The following NPRL3 variants were observed in gnomAD, a reference collection of about 807,000 sequenced individuals.
NPRL3 encodes the protein NPR3 like, GATOR1 complex subunit.
A neutral mutation model predicts 57.2 loss-of-function variants in NPRL3; 23 were observed. The observed-to-expected ratio is 0.40, with a 90% CI of 0.29 to 0.57. The LOEUF is 0.57. Among genes scored for constraint, NPRL3 ranks in the 20% least tolerant of loss-of-function variants. The pLI, the probability that NPRL3 is intolerant of heterozygous loss-of-function variation, is 0.42. For synonymous variants in NPRL3, 333 were observed against 321.1 expected (o/e 1.04, Z -0.39); for missense variants, 691 against 767.1 (o/e 0.90, Z 1.17).
At position 138,341 on chromosome 16, in the gene NPRL3, A is replaced by T; in HGVS notation, c.-67-7T>A. 8.9e-7 allele frequency: 1 copy of T among 1,122,580 alleles called. No homozygotes were observed. The highest frequency in any genetic ancestry group is 1.3e-6 in the Non-Finnish European group (1 of 799,422). The allele number at this position is 1,122,580 out of a possible 1,614,324, so 69.5% of individuals were successfully genotyped here. A position where few individuals can be genotyped will look rare whatever the true frequency, so the allele number is the denominator to read the frequency against. On this transcript the variant is annotated splice_region_variant and splice_polypyrimidine_tract_variant and intron_variant, in intron 1 of 13. Coordinates refer to ENST00000611875, the MANE Select transcript of NPRL3 (RefSeq NM_001077350.3). ...AGCCGGAGGCGGAGGGGGCCTGAGG[A>T]GGACGGAGCCGGAGGCGGAGGGGGC...
chr16:85,869 C>CAGG lies in NPRL3; in HGVS notation c.*835_*836insCCT. Reference sequence around the variant, plus strand: ...AAACTGTGCCTTAGCCAGAGCTCCTCTAGGTGATCAACCCATGTCTGGAGC... The same window carrying CAGG: ...AAACTGTGCCTTAGCCAGAGCTCCTCAGGTAGGTGATCAACCCATGTCTGGAGC... On this transcript the variant is annotated 3_prime_UTR_variant, in exon 14 of 14. Transcript: ENST00000611875. 7.5e-7 allele frequency: 1 copy of CAGG among 1,337,522 alleles called. No individual in the cohort carries two copies. Among genetic ancestry groups the CAGG allele is most frequent in the Non-Finnish European group, 9.7e-7 (1 of 1,035,590 alleles). The allele number at this position is 1,337,522 out of a possible 1,614,324, so 82.9% of individuals were successfully genotyped here.
In NPRL3 at chr16:104,432, C is replaced by G. The variant is rs139987083; in HGVS notation, c.630-3923G>C. Among the ~76,000 whole-genome samples the G allele has an allele frequency of 3.0e-4, 46 of 152,200 alleles. No individual in the cohort carries two copies. In the East Asian group the frequency reaches 7.3e-3, roughly 24 times the overall value. On this transcript the variant is annotated intron_variant, in intron 7 of 13. Coordinates refer to ENST00000611875, the MANE Select transcript of NPRL3 (RefSeq NM_001077350.3). ...CTCATGGAAAGCCAGGAACAAGTTC[C>G]AGCTATGGGTATGGAGAAATGAGGG...
chr16:99,989 A>AAAAAAG (rs1445808117), intron 8 of NPRL3, among the ~76,000 whole-genome samples: 1 of 143,562 alleles, frequency 7.0e-6, no homozygotes, highest in African/African-American at 2.9e-5. Flanking sequence ...AAAAAGAAAA[A>AAAAAAG]AAAAAGAAAA....
Position 93,233 on chromosome 16 carries a change from A to T in NPRL3, c.1017T>A (p.Asn339Lys). The T allele has an allele frequency of 6.4e-7, 1 of 1,553,750 alleles. No individual in the cohort carries two copies. The highest frequency in any genetic ancestry group is 8.7e-7 in the Non-Finnish European group (1 of 1,147,530). ...GCAGCACTCACAGACATACGCTGGC[A>T]TTGGGAGACAGCATGTAGACGTTGT... ...CENNVYMLSPNASVCLYSPLA... is the reference protein window; with the variant it reads ...CENNVYMLSPKASVCLYSPLA... Residue 339 changes from asparagine to lysine, a missense_variant, in exon 10 of 14, where the codon AAT (asparagine) becomes AAA (lysine). Coordinates refer to ENST00000611875, the MANE Select transcript of NPRL3 (RefSeq NM_001077350.3).
chr16:99,427 G>A (rs1899170766), intron 8 of NPRL3, among the ~76,000 whole-genome samples: 2 of 151,972 alleles, frequency 1.3e-5, no homozygotes, highest in South Asian at 2.1e-4. Context: ...GGTGGATCAC[G>A]AGGTCAGGAG....
rs535356736 is a variant in NPRL3, at chr16:101,265, G to A, written c.630-756C>T. Among the ~76,000 whole-genome samples the A allele has an allele frequency of 5.3e-5, 8 of 152,314 alleles. No individual in the cohort carries two copies. In the South Asian group the frequency reaches 6.2e-4, roughly 12 times the overall value. On this transcript the variant is annotated intron_variant, in intron 7 of 13. Coordinates refer to ENST00000611875, the MANE Select transcript of NPRL3 (RefSeq NM_001077350.3). ...CAGAACAGTGGCTGTCTCAGAGGGC[G>A]AGGAGGGCAGGGAAGGAATGCCAAG...
At chr16:132,966 G>A (rs1054120374) in intron 2 of NPRL3, among the ~76,000 whole-genome samples, 3 of 152,104 alleles carry the variant, frequency 2.0e-5, no homozygotes, top group African/African-American at 7.2e-5. Context: ...ACCGCACCCG[G>A]CCCACCTTGC....
At chr16:109,900 A>G (rs1011285572) in intron 7 of NPRL3, among the ~76,000 whole-genome samples, 5 of 152,226 alleles carry the variant, frequency 3.3e-5, no homozygotes, top group South Asian at 2.1e-4. Context: ...ATTGGGAAAT[A>G]TAAGTCCTTA....
chr16:92,542 T>G, intron 11 of NPRL3, 54 bp downstream of exon 11: 1 of 1,588,348 alleles, frequency 6.3e-7, no homozygotes. Flanking sequence ...AGGCAGGTAG[T>G]GCCTATCCAC....
chr16:105,328 G>T (rs1217499695), intron 7 of NPRL3, among the ~76,000 whole-genome samples: 1 of 152,164 alleles, frequency 6.6e-6, no homozygotes, highest in Admixed American at 6.5e-5. Flanking sequence ...AACTAGACAG[G>T]ACCTGTGAAG....
At chr16:87,344 T>C (rs1383672396) in intron 13 of NPRL3, among the ~76,000 whole-genome samples, 1 of 151,704 alleles carries the variant, frequency 6.6e-6, no homozygotes, top group Non-Finnish European at 1.5e-5. Context: ...GCGATTCTCC[T>C]GCGTCAGCTT....
rs7185192 is a variant in NPRL3, at chr16:95,034, G to A, written c.925-1709C>T. On this transcript the variant is annotated intron_variant, in intron 9 of 13. Transcript: ENST00000611875. ...CAACGGCCAGTGTCTCTTGGCTTGCGGTCACGTCACTCCACTCTGTCTCTG... is the reference window on the plus strand; with the variant it reads ...CAACGGCCAGTGTCTCTTGGCTTGCAGTCACGTCACTCCACTCTGTCTCTG... 8.0e-3 allele frequency among the ~76,000 whole-genome samples: 1,215 copies of A among 151,972 alleles called. 21 individuals are homozygous for A. Among genetic ancestry groups the A allele is most frequent in the African/African-American group, 0.026 (1,095 of 41,430 alleles).
chr16:134,694 A>ATTTT (rs34425237), intron 2 of NPRL3, among the ~76,000 whole-genome samples: 109 of 103,426 alleles, frequency 1.1e-3, no homozygotes, highest in African/African-American at 2.5e-3. Flanking sequence ...AATTATTATT[A>ATTTT]TTTTTTTTTT....
At chr16:119,737 C>G (rs768387651) in intron 3 of NPRL3, among the ~76,000 whole-genome samples, 5 of 152,254 alleles carry the variant, frequency 3.3e-5, no homozygotes, top group Non-Finnish European at 7.3e-5. Flanking sequence ...GGGGACAGTG[C>G]ACAGGGATGC....
chr16:128,360 C>T (rs1900637131), intron 3 of NPRL3, among the ~76,000 whole-genome samples: 1 of 152,218 alleles, frequency 6.6e-6, no homozygotes, highest in Non-Finnish European at 1.5e-5. Flanking sequence ...TGTGTCCTCA[C>T]TTTTCTAAGG....
At chr16:124,337 T>A (rs532978870) in intron 3 of NPRL3, among the ~76,000 whole-genome samples, 1 of 152,018 alleles carries the variant, frequency 6.6e-6, no homozygotes, top group African/African-American at 2.4e-5. Context: ...AAGTATCTCA[T>A]CTTTTCTTTT....
rs973766320 is a variant in NPRL3, at chr16:86,571, C to T, written c.*134G>A. On this transcript the variant is annotated 3_prime_UTR_variant, in exon 14 of 14. Coordinates refer to ENST00000611875, the MANE Select transcript of NPRL3 (RefSeq NM_001077350.3). ...GGGCTCTGCAGGCTTCACTGGGCCA[C>T]GGCCAGCCCGCATCCACCCAATGCC... 1.1e-5 allele frequency: 10 copies of T among 909,540 alleles called. No individual in the cohort carries two copies. Among genetic ancestry groups the T allele is most frequent in the African/African-American group, 5.0e-5 (3 of 59,906 alleles). 56.3% of individuals were successfully genotyped at this position (909,540 alleles called of 1,614,324 possible).
In NPRL3 at chr16:100,467, C is replaced by G; in HGVS notation, c.672G>C (p.Trp224Cys). 4 of 1,602,504 alleles carry G rather than the reference C, an allele frequency of 2.5e-6. 1 individual carries two copies. In the South Asian group the frequency reaches 4.5e-5, roughly 18 times the overall value. Residue 224 changes from tryptophan (W) to cysteine (C), a missense_variant, in exon 8 of 14, where the codon TGG becomes TGC. Physicochemically the swap from Trp to Cys is radical, Grantham distance 215 (BLOSUM62 -2). Coordinates refer to ENST00000611875, the MANE Select transcript of NPRL3 (RefSeq NM_001077350.3). ...GGGGCAGGCAGAAGCTCACCTCCAG[C>G]CAGCTGTTGATGTGAAGCCGAACTA... The part of the protein sequence containing the change: ...SGVVRLHINS[W>C]LEVSFCLPHK...
Position 127,692 on chromosome 16 carries a change from T to C in NPRL3, c.188+2830A>G, listed in dbSNP as rs1432325741. 4.0e-5 allele frequency among the ~76,000 whole-genome samples: 6 copies of C among 151,390 alleles called. No homozygotes were observed. The East Asian group carries it at 1.2e-3, about 29-fold the overall frequency. On this transcript the variant is annotated intron_variant, in intron 3 of 13. Coordinates refer to ENST00000611875, the MANE Select transcript of NPRL3 (RefSeq NM_001077350.3). ...TTTTTTGAGACGGAGTCTCACTCTGTTGCCCAGGCTGGAGTGCAGTGGCAC... is the reference window on the plus strand; with the variant it reads ...TTTTTTGAGACGGAGTCTCACTCTGCTGCCCAGGCTGGAGTGCAGTGGCAC...
Sources: gnomAD v4.1 joint callset for allele counts (sites outside exome capture counted in the v4.1 genomes callset) on GRCh38, gnomAD v4.1.1 for gene constraint, MANE v1.5 for transcripts, NCBI Gene and HGNC (gene_info 2026-07-23, HGNC 2026-07-21) for gene names.